Variants in TTC28 observed in about 807,000 individuals in gnomAD.
TTC28 encodes tetratricopeptide repeat domain 28.
A neutral mutation model predicts 198.0 loss-of-function variants in TTC28; 61 were observed. The observed-to-expected ratio is 0.31, with a 90% CI of 0.25 to 0.38. The LOEUF is 0.38. Among genes scored for constraint, TTC28 ranks in the 10% least tolerant of loss-of-function variants. The pLI, the probability that TTC28 is intolerant of heterozygous loss-of-function variation, is 1.00. For missense variants in TTC28, 2,678 were observed against 3,164.0 expected (o/e 0.85, Z 3.69); for synonymous variants, 1,171 against 1,297.8 (o/e 0.90, Z 2.10).
chr22:28,408,801 T>C (rs1259128288), intron 2 of TTC28, among the ~76,000 whole-genome samples: 1 of 152,208 alleles, frequency 6.6e-6, no homozygotes, highest in Non-Finnish European at 1.5e-5. Flanking sequence ...AAATGAGCTC[T>C]TCGAATGAGT....
At chr22:28,591,028 C>CATATAT (rs2050419079) in intron 2 of TTC28, among the ~76,000 whole-genome samples, 1 of 77,352 alleles carries the variant, frequency 1.3e-5, no homozygotes, top group Non-Finnish European at 2.4e-5. Context: ...CACACACACA[C>CATATAT]ACACACACAC....
chr22:28,185,540 A>C (rs1601442724), intron 5 of TTC28, among the ~76,000 whole-genome samples: 1 of 152,310 alleles, frequency 6.6e-6, no homozygotes, highest in East Asian at 1.9e-4. Flanking sequence ...ACTACTATTC[A>C]TTGAGCACCA....
chr22:28,468,690 ATT>A (rs35984422), intron 2 of TTC28, among the ~76,000 whole-genome samples: 110 of 122,272 alleles, frequency 9.0e-4, no homozygotes, highest in African/African-American at 2.7e-3. Flanking sequence ...CGCCCGGCTA[ATT>A]TTTTTTTTTT....
intron 2 of TTC28, among the ~76,000 whole-genome samples, chr22:28,612,917 A>G (rs536601032): frequency 1.3e-5 from 2 of 152,342 alleles, no homozygotes; most frequent in East Asian, 1.9e-4. Context: ...GTCACAATTA[A>G]AAGAACTAGA....
intron 2 of TTC28, among the ~76,000 whole-genome samples, chr22:28,550,084 A>G (rs1027522952): frequency 8.5e-5 from 13 of 152,162 alleles, no homozygotes; most frequent in African/African-American, 3.1e-4. Context: ...AATATCTTCC[A>G]GTGATGAGAT....
At chr22:28,155,329 C>T (rs1465355915) in intron 6 of TTC28, among the ~76,000 whole-genome samples, 1 of 152,194 alleles carries the variant, frequency 6.6e-6, no homozygotes, top group Non-Finnish European at 1.5e-5. Context: ...TAAGCTTTAA[C>T]TCATTCAATC....
chr22:28,534,775 A>C (rs1308769064), intron 2 of TTC28, among the ~76,000 whole-genome samples: 1 of 152,196 alleles, frequency 6.6e-6, no homozygotes, highest in Non-Finnish European at 1.5e-5. Flanking sequence ...ACATGGATGA[A>C]GCTGGAAACC....
rs185064738 is a variant in TTC28, at chr22:28,164,192, T to A, written c.934-593A>T. ...CCACCACAGTTCAAAGAGGCCTGCC[T>A]GCTTCTGTAGACTCCACCTCTGGGA... On this transcript the variant is annotated intron_variant, in intron 5 of 22. Coordinates refer to ENST00000397906, the MANE Select transcript of TTC28 (RefSeq NM_001145418.2). 3.0e-4 allele frequency among the ~76,000 whole-genome samples: 46 copies of A among 152,332 alleles called. No individual in the cohort carries two copies. The East Asian group carries it at 8.5e-3, about 28-fold the overall frequency.
intron 2 of TTC28, among the ~76,000 whole-genome samples, chr22:28,343,107 A>T (rs1287024593): frequency 6.6e-6 from 1 of 152,242 alleles, no homozygotes; most frequent in Non-Finnish European, 1.5e-5. Context: ...AAATGTATTG[A>T]TTTACCTAAT....
chr22:28,248,788 C>A (rs1365582143), intron 5 of TTC28, among the ~76,000 whole-genome samples: 1 of 152,156 alleles, frequency 6.6e-6, no homozygotes, highest in Non-Finnish European at 1.5e-5. Flanking sequence ...CTACCTCTTT[C>A]CGTGAGGGCT....
chr22:28,175,018 T>A, intron 5 of TTC28, among the ~76,000 whole-genome samples: 1 of 146,900 alleles, frequency 6.8e-6, no homozygotes, highest in African/African-American at 2.6e-5. Flanking sequence ...AATAAGGTAG[T>A]CTCTTAAAAA....
At chr22:28,251,504 T>C (rs1409486208) in intron 5 of TTC28, among the ~76,000 whole-genome samples, 1 of 152,124 alleles carries the variant, frequency 6.6e-6, no homozygotes, top group African/African-American at 2.4e-5. Context: ...GCTACAAAAC[T>C]GGAAATGTGA....
intron 6 of TTC28, among the ~76,000 whole-genome samples, chr22:28,128,756 T>C (rs1317543700): frequency 6.6e-6 from 1 of 152,108 alleles, no homozygotes; most frequent in East Asian, 1.9e-4. Flanking sequence ...CCCAGGCTTG[T>C]CTCAAACTAC....
At position 27,985,269 on chromosome 22, in the gene TTC28, T is replaced by G. The variant is rs1937171690; in HGVS notation, c.5795A>C (p.Gln1932Pro). ...ANRRTVHFAL[Q>P]SLLSLFDSTE... ...CTTACCAAACAGAGACAGCAGGGAC[T>G]GGAGCGCGAAGTGCACAGTCCGTCG... The change falls in exon 22 of 23, where the codon CAG (glutamine) becomes CCG (proline). Residue 1932 changes from glutamine (Q) to proline (P), a missense_variant. By Grantham distance (76) the Gln-to-Pro change is moderately conservative. Coordinates refer to ENST00000397906, the MANE Select transcript of TTC28 (RefSeq NM_001145418.2). 1 of 1,551,476 alleles carries G rather than the reference T, an allele frequency of 6.4e-7. No homozygotes were observed. Among genetic ancestry groups the G allele is most frequent in the Non-Finnish European group, 8.7e-7 (1 of 1,146,860 alleles).
intron 6 of TTC28, among the ~76,000 whole-genome samples, chr22:28,148,877 A>T (rs1008503576): frequency 2.0e-5 from 3 of 152,194 alleles, no homozygotes; most frequent in African/African-American, 7.2e-5. Context: ...CATAGTAAAT[A>T]TGAAAGATAT....
chr22:28,513,291 G>A (rs759526950), intron 2 of TTC28, among the ~76,000 whole-genome samples: 12 of 152,104 alleles, frequency 7.9e-5, no homozygotes, highest in Non-Finnish European at 1.0e-4. Flanking sequence ...AAGAGCCAAC[G>A]TAAGAGTTAA....
chr22:28,093,760 C>T (rs1177938644), intron 12 of TTC28, among the ~76,000 whole-genome samples: 1 of 152,122 alleles, frequency 6.6e-6, no homozygotes, highest in African/African-American at 2.4e-5. Context: ...AAAAAATAAT[C>T]TCAGTTTTAA....
chr22:28,461,110 T>C (rs1008371003), intron 2 of TTC28, among the ~76,000 whole-genome samples: 1 of 152,248 alleles, frequency 6.6e-6, no homozygotes, highest in Non-Finnish European at 1.5e-5. Context: ...TTGTTCCTCA[T>C]TGTGGCCTTC....
At chr22:28,389,123 T>C (rs972304965) in intron 2 of TTC28, among the ~76,000 whole-genome samples, 1 of 152,240 alleles carries the variant, frequency 6.6e-6, no homozygotes, top group Non-Finnish European at 1.5e-5. Context: ...TCTTTGGTTC[T>C]GTTTATATAC....
Sources: gnomAD v4.1 joint callset for allele counts (sites outside exome capture counted in the v4.1 genomes callset) on GRCh38, gnomAD v4.1.1 for gene constraint, MANE v1.5 for transcripts, NCBI Gene and HGNC (gene_info 2026-07-23, HGNC 2026-07-21) for gene names.